Variants in NR2C2 observed in about 807,000 individuals in gnomAD.
NR2C2 encodes nuclear receptor subfamily 2 group C member 2, also known as Nuclear hormone receptor TR4.
NR2C2 carries 6 observed loss-of-function variants against 62.9 expected under a neutral mutation model. That is an observed-to-expected ratio of 0.10 (90% confidence interval 0.05 to 0.19). The LOEUF is 0.19. NR2C2 is among the 10% of genes least tolerant of loss of function. The pLI, the probability that NR2C2 is intolerant of heterozygous loss-of-function variation, is 1.00. For missense variants in NR2C2, 479 were observed against 762.7 expected, an observed-to-expected ratio of 0.63 and a Z score of 4.38; for synonymous variants, 272 against 273.8, an observed-to-expected ratio of 0.99 and a Z score of 0.07.
chr3:15,007,950 C>A (rs1168121925), intron 2 of NR2C2, among the ~76,000 whole-genome samples: 5 of 152,118 alleles, frequency 3.3e-5, no homozygotes, highest in African/African-American at 1.2e-4. Flanking sequence ...AGTAGAAGAG[C>A]AAGCATTCCT....
chr3:14,992,830 C>G (rs1372522101), intron 1 of NR2C2, among the ~76,000 whole-genome samples: 1 of 152,178 alleles, frequency 6.6e-6, no homozygotes, highest in African/African-American at 2.4e-5. Flanking sequence ...TATTTCACAC[C>G]CAGCTTGCCC....
chr3:15,043,277 G>T lies in NR2C2; in HGVS notation c.*269G>T, dbSNP rs1241855200. 3.6e-6 allele frequency: 1 copy of T among 274,666 alleles called. No homozygotes were observed. The highest frequency in any genetic ancestry group is 1.5e-4 in the South Asian group (1 of 6,634). The allele number at this position is 274,666 out of a possible 1,614,324, so 17.0% of individuals were successfully genotyped here. A position where few individuals can be genotyped will look rare whatever the true frequency, so the allele number is the denominator to read the frequency against. On this transcript the variant is annotated 3_prime_UTR_variant, in exon 14 of 14. Coordinates refer to ENST00000425241, the MANE Select transcript of NR2C2 (RefSeq NM_001291694.2). ...AATTTGTATTTAGAAATTCTCAAAG[G>T]GCAAAAAACAAAAAAAAAGGTTTTA...
chr3:14,996,634 G>T (rs2040839020), intron 1 of NR2C2, among the ~76,000 whole-genome samples: 1 of 152,152 alleles, frequency 6.6e-6, no homozygotes, highest in South Asian at 2.1e-4. Flanking sequence ...GCAGTGGTGC[G>T]ATCTCAGCTC....
Position 15,048,903 on chromosome 3 carries a change from T to C in NR2C2, c.*5895T>C, listed in dbSNP as rs960163393. 4.6e-5 allele frequency: 7 copies of C among 152,690 alleles called. No homozygotes were observed. Among genetic ancestry groups the C allele is most frequent in the Non-Finnish European group, 8.8e-5 (6 of 68,046 alleles). 9.5% of individuals were successfully genotyped at this position (152,690 alleles called of 1,614,324 possible). A position where few individuals can be genotyped will look rare whatever the true frequency, so the allele number is the denominator to read the frequency against. On this transcript the variant is annotated 3_prime_UTR_variant, in exon 14 of 14. Coordinates refer to ENST00000425241, the MANE Select transcript of NR2C2 (RefSeq NM_001291694.2). ...AGGAAAATTTGGGTGTTAGATTTTC[T>C]TGGGACCGTTTCTGTAACCTTTGCC...
chr3:14,966,560 C>G (rs1330854935), intron 1 of NR2C2, among the ~76,000 whole-genome samples: 1 of 152,220 alleles, frequency 6.6e-6, no homozygotes, highest in African/African-American at 2.4e-5. Flanking sequence ...TGCACTCCAG[C>G]CTGGATGACA....
intron 1 of NR2C2, among the ~76,000 whole-genome samples, chr3:14,988,719 CTT>C (rs916437103): frequency 6.6e-6 from 1 of 152,050 alleles, no homozygotes; most frequent in Non-Finnish European, 1.5e-5. Context: ...ATCATCATCT[CTT>C]TTTTTTCCCC....
At chr3:14,956,012 G>A (rs143124257) in intron 1 of NR2C2, among the ~76,000 whole-genome samples, 101 of 152,252 alleles carry the variant, frequency 6.6e-4, no homozygotes, top group African/African-American at 2.2e-3. Context: ...TTTGAATATG[G>A]AAGAAACAAC....
chr3:15,032,635 T>G, intron 10 of NR2C2, 135 bp downstream of exon 10: 1 of 1,005,314 alleles, frequency 9.9e-7, no homozygotes, highest in South Asian at 1.6e-5. Flanking sequence ...GAGTTTTTTA[T>G]TAAATATAGT....
At chr3:15,019,058 T>C (rs1351110801) in intron 4 of NR2C2, among the ~76,000 whole-genome samples, 3 of 115,898 alleles carry the variant, frequency 2.6e-5, no homozygotes, top group Non-Finnish European at 5.6e-5. Context: ...TTTTATAAAA[T>C]CTTATAAAAA....
chr3:15,039,127 C>T lies in NR2C2; in HGVS notation c.1516C>T (p.Pro506Ser), dbSNP rs1271841632. Reference protein sequence around the residue: ...KAIVLFSPDHPGLTSTSQIEK... With the variant: ...KAIVLFSPDHSGLTSTSQIEK... ...GGGTACTTTTCTGTTTTCAGATCAT[C>T]CAGGTTTGACCAGCACAAGCCAGAT... The change falls in exon 13 of 14, where the codon CCA becomes TCA. Residue 506 changes from proline (P) to serine (S), a missense_variant. This residue lies in a region of NR2C2 where 162 missense variants were observed against 296.8 expected (regional missense o/e 0.55). Transcript: ENST00000425241. The T allele has an allele frequency of 1.2e-6, 2 of 1,612,518 alleles. No individual in the cohort carries two copies. Among genetic ancestry groups the T allele is most frequent in the Non-Finnish European group, 1.7e-6 (2 of 1,178,878 alleles).
At chr3:15,018,617 A>C (rs955546583) in intron 4 of NR2C2, among the ~76,000 whole-genome samples, 6 of 152,164 alleles carry the variant, frequency 3.9e-5, no homozygotes, top group Non-Finnish European at 7.4e-5. Flanking sequence ...TAATCCCAGC[A>C]CTTTGGCAGG....
chr3:15,031,835 TCTCCTGC>T (rs1359424277), intron 9 of NR2C2, among the ~76,000 whole-genome samples: 2 of 150,482 alleles, frequency 1.3e-5, no homozygotes, highest in Non-Finnish European at 3.0e-5. Flanking sequence ...TTCAAGCAAT[TCTCCTGC>T]CTCAGCCTCC....
At chr3:15,007,324 T>C (rs1000398722) in intron 2 of NR2C2, among the ~76,000 whole-genome samples, 2 of 151,352 alleles carry the variant, frequency 1.3e-5, no homozygotes, top group African/African-American at 4.9e-5. Context: ...GGACGGGGTT[T>C]CACCATGTTA....
In NR2C2 at chr3:14,973,725, A is replaced by C. The variant is rs150771362; in HGVS notation, c.-40+25819A>C. On this transcript the variant is annotated intron_variant, in intron 1 of 13. Coordinates refer to ENST00000425241, the MANE Select transcript of NR2C2 (RefSeq NM_001291694.2). ...AATGGTCTTGGCATGCTTGTCAACA[A>C]TCATTTGACATATATTCACAGATTT... is the stretch of plus-strand genomic sequence containing the variant. Among the ~76,000 whole-genome samples the C allele has an allele frequency of 5.2e-3, 787 of 152,286 alleles. 11 individuals are homozygous for C. The highest frequency in any genetic ancestry group is 0.018 in the African/African-American group (762 of 41,550).
intron 1 of NR2C2, among the ~76,000 whole-genome samples, chr3:14,978,382 C>A (rs975658608): frequency 2.0e-5 from 3 of 152,202 alleles, no homozygotes; most frequent in Non-Finnish European, 4.4e-5. Flanking sequence ...TTATAATAAA[C>A]TTGAATATCT....
intron 5 of NR2C2, among the ~76,000 whole-genome samples, chr3:15,022,522 C>T (rs893215249): frequency 6.6e-6 from 1 of 150,682 alleles, no homozygotes; most frequent in Non-Finnish European, 1.5e-5. Flanking sequence ...CTCCCTGCCT[C>T]AGCCTCCCAA....
At chr3:14,974,863 C>A (rs1233579104) in intron 1 of NR2C2, among the ~76,000 whole-genome samples, 1 of 152,160 alleles carries the variant, frequency 6.6e-6, no homozygotes, top group East Asian at 1.9e-4. Flanking sequence ...CTTGGCCTCC[C>A]AAAGTGCTGG....
intron 8 of NR2C2, among the ~76,000 whole-genome samples, chr3:15,029,124 T>A (rs76995765): frequency 9.0e-4 from 136 of 150,992 alleles, no homozygotes; most frequent in African/African-American, 3.1e-3. Context: ...TTTTTTTTTT[T>A]AATAGAGATG....
intron 7 of NR2C2, chr3:15,025,863 T>TA (rs1343970311): frequency 6.6e-6 from 1 of 152,256 alleles, no homozygotes; most frequent in Admixed American, 6.5e-5. Context: ...ATGAGGATCT[T>TA]ACAGTAGCTG....
Sources: gnomAD v4.1 joint callset for allele counts (sites outside exome capture counted in the v4.1 genomes callset) on GRCh38, gnomAD v4.1.1 for gene constraint, gnomAD v4.1.1 regional missense constraint, MANE v1.5 for transcripts, NCBI Gene and HGNC (gene_info 2026-07-23, HGNC 2026-07-21) for gene names.